The following PDGFRA variants were observed in gnomAD, a reference collection of about 807,000 sequenced individuals.
PDGFRA encodes the protein platelet-derived growth factor receptor alpha.
PDGFRA carries 25 observed loss-of-function variants against 121.5 expected under a neutral mutation model. That is an observed-to-expected ratio of 0.21 (90% CI 0.15 to 0.29). The LOEUF (loss-of-function observed/expected upper bound fraction) is 0.29. Among genes scored for constraint, PDGFRA ranks in the 10% least tolerant of loss-of-function variants. The pLI is 1.00. For missense variants in PDGFRA, 1,008 were observed against 1,345.1 expected, an observed-to-expected ratio of 0.75 and a Z score of 3.92; for synonymous variants, 463 against 494.8, an observed-to-expected ratio of 0.94 and a Z score of 0.85.
intron 17 of PDGFRA, 145 bp downstream of exon 17, chr4:54,285,631 G>A: frequency 1.4e-6 from 1 of 737,464 alleles, no homozygotes; most frequent in Non-Finnish European, 2.5e-6. Flanking sequence ...CCCTACGCAG[G>A]TCAGGGAGTC....
intron 19 of PDGFRA, among the ~76,000 whole-genome samples, chr4:54,288,330 C>T (rs1231519161): frequency 2.6e-5 from 4 of 152,088 alleles, no homozygotes; most frequent in African/African-American, 9.7e-5. Flanking sequence ...CTAGTTCTCC[C>T]TCCATGGATG....
chr4:54,290,868 T>C (rs943916059), intron 22 of PDGFRA, among the ~76,000 whole-genome samples: 1 of 152,186 alleles, frequency 6.6e-6, no homozygotes, highest in African/African-American at 2.4e-5. Context: ...TGAGATCATA[T>C]AAGCCTCTCC....
At chr4:54,256,375 A>G (rs577139665) in intron 1 of PDGFRA, among the ~76,000 whole-genome samples, 1 of 152,026 alleles carries the variant, frequency 6.6e-6, no homozygotes, top group African/African-American at 2.4e-5. Context: ...AGCTGGAATT[A>G]GAGGCGCACA....
At position 54,283,391 on chromosome 4, in the gene PDGFRA, A is replaced by T. The variant is rs184645215; in HGVS notation, c.2324-1980A>T. Among the ~76,000 whole-genome samples the T allele has an allele frequency of 3.0e-3, 458 of 152,324 alleles. 1 individual carries two copies. The highest frequency in any genetic ancestry group is 5.2e-3 in the Non-Finnish European group (356 of 68,036). On this transcript the variant is annotated intron_variant, in intron 16 of 22. Transcript: ENST00000257290. ...AGCGGCCAAGGTTTATGGCTGTCACAAGCTGAAGCAGCAGCCCAAGCTGCA... is the reference window on the plus strand; with the variant it reads ...AGCGGCCAAGGTTTATGGCTGTCACTAGCTGAAGCAGCAGCCCAAGCTGCA...
At chr4:54,274,660 A>G in intron 11 of PDGFRA, 35 bp downstream of exon 11, 1 of 1,547,524 alleles carries the variant, frequency 6.5e-7, no homozygotes, top group African/African-American at 1.4e-5. Context: ...AGATCTTTGA[A>G]GCCAATGAGA....
At chr4:54,283,327 C>CT (rs1425027805) in intron 16 of PDGFRA, among the ~76,000 whole-genome samples, 1 of 152,216 alleles carries the variant, frequency 6.6e-6, no homozygotes, top group Non-Finnish European at 1.5e-5. Context: ...AGCCTCAACT[C>CT]TTAACACTCT....
chr4:54,249,561 A>G (rs921746508), intron 1 of PDGFRA, among the ~76,000 whole-genome samples: 1 of 151,806 alleles, frequency 6.6e-6, no homozygotes, highest in Non-Finnish European at 1.5e-5. Flanking sequence ...GCATATTCTC[A>G]CTCATAGGTG....
At chr4:54,286,080 G>T (rs1724348883) in intron 18 of PDGFRA, 117 bp downstream of exon 18, 2 of 1,064,090 alleles carry the variant, frequency 1.9e-6, no homozygotes, top group Non-Finnish European at 2.9e-6. Context: ...AGATTTCAAG[G>T]GGTCAGTACA....
chr4:54,270,803 G>A (rs1275877334), intron 8 of PDGFRA, 55 bp downstream of exon 8: 1 of 1,005,910 alleles, frequency 9.9e-7, no homozygotes, highest in Non-Finnish European at 1.6e-6. Context: ...TGTCTTCCAA[G>A]GAAAGCCTGG....
chr4:54,265,201 GC>G, intron 5 of PDGFRA, 152 bp downstream of exon 5: 2 of 728,164 alleles, frequency 2.7e-6, no homozygotes, highest in South Asian at 1.5e-5. Flanking sequence ...TGATTAAATG[GC>G]CTTTAGGACT....
intron 5 of PDGFRA, among the ~76,000 whole-genome samples, chr4:54,267,002 T>TA (rs1337045780): frequency 1.3e-5 from 2 of 152,102 alleles, no homozygotes; most frequent in Non-Finnish European, 2.9e-5. Flanking sequence ...AAAAACAAAA[T>TA]AAAAAATCTC....
In PDGFRA at chr4:54,295,303, TG is replaced by T; in HGVS notation, c.*35del. ...GGATTCGAGGGGTTCCTTCCACTTCTGGGGCCACCTCTGGATCCCGTTCAGA... is the reference window on the plus strand; with the variant it reads ...GGATTCGAGGGGTTCCTTCCACTTCTGGGCCACCTCTGGATCCCGTTCAGA... On this transcript the variant is annotated 3_prime_UTR_variant, in exon 23 of 23. Coordinates refer to ENST00000257290, the MANE Select transcript of PDGFRA (RefSeq NM_006206.6). 6.2e-7 allele frequency: 1 copy of T among 1,612,224 alleles called. No individual in the cohort carries two copies. The highest frequency in any genetic ancestry group is 8.5e-7 in the Non-Finnish European group (1 of 1,178,582).
At chr4:54,273,972 A>T (rs1428646815) in intron 10 of PDGFRA, among the ~76,000 whole-genome samples, 1 of 152,202 alleles carries the variant, frequency 6.6e-6, no homozygotes, top group African/African-American at 2.4e-5. Context: ...ACCTCTACCT[A>T]GGACGTTGTT....
chr4:54,278,615 C>T, intron 15 of PDGFRA, 100 bp downstream of exon 15: 1 of 1,183,930 alleles, frequency 8.4e-7, no homozygotes, highest in Non-Finnish European at 1.2e-6. Flanking sequence ...AGATTCAGTG[C>T]CCAAGGTAGC....
chr4:54,285,983 A>C lies in PDGFRA; in HGVS notation c.2562+20A>C, dbSNP rs1372538922. On this transcript the variant is annotated intron_variant, in intron 18 of 22. Transcript: ENST00000257290. Reference sequence around the variant, plus strand: ...GGCAGTGTACGTCCTCACTTCCCTCACTGGTCAGGCTCATCCTCCTTCACT... The same window carrying C: ...GGCAGTGTACGTCCTCACTTCCCTCCCTGGTCAGGCTCATCCTCCTTCACT... The C allele has an allele frequency of 1.2e-6, 2 of 1,612,406 alleles. No homozygotes were observed. Among genetic ancestry groups the C allele is most frequent in the Admixed American group, 1.7e-5 (1 of 60,022 alleles).
intron 1 of PDGFRA, among the ~76,000 whole-genome samples, chr4:54,230,890 G>A (rs193139025): frequency 6.6e-6 from 1 of 152,208 alleles, no homozygotes. Flanking sequence ...AGCGGGCGGC[G>A]TCCATTTGGC....
intron 9 of PDGFRA, 108 bp from the exon 10 acceptor site, chr4:54,273,429 A>G: frequency 1.2e-6 from 1 of 859,964 alleles, no homozygotes; most frequent in Non-Finnish European, 2.0e-6. Context: ...TTGCCCCGAA[A>G]TGCAGACAAG....
chr4:54,297,716 T>A lies in PDGFRA; in HGVS notation c.*2444T>A, dbSNP rs1724944891. The stretch of plus-strand genomic sequence containing the variant: ...TGTTTCCTTTTGGCCTCCTGCAAAG[T>A]CTCCAGAAGAAAATTTGCCAATCTT... On this transcript the variant is annotated 3_prime_UTR_variant, in exon 23 of 23. Coordinates refer to ENST00000257290, the MANE Select transcript of PDGFRA (RefSeq NM_006206.6). 4.3e-6 allele frequency: 1 copy of A among 233,504 alleles called. No homozygotes were observed. Among genetic ancestry groups the A allele is most frequent in the Non-Finnish European group, 8.5e-6 (1 of 118,040 alleles). The allele number at this position is 233,504 out of a possible 1,614,324, so 14.5% of individuals were successfully genotyped here.
chr4:54,250,402 A>G (rs576286151), intron 1 of PDGFRA, among the ~76,000 whole-genome samples: 101 of 152,352 alleles, frequency 6.6e-4, no homozygotes, highest in Admixed American at 6.5e-3. Context: ...CAAAAGTGAC[A>G]TATTTGGCTT....
Sources: gnomAD v4.1 joint callset for allele counts (sites outside exome capture counted in the v4.1 genomes callset) on GRCh38, gnomAD v4.1.1 for gene constraint, MANE v1.5 for transcripts, NCBI Gene and HGNC (gene_info 2026-07-23, HGNC 2026-07-21) for gene names.